CYTH3: variants seen among roughly 807,000 people sequenced by gnomAD.
CYTH3 encodes cytohesin-3.
A neutral mutation model predicts 55.1 loss-of-function variants in CYTH3; 23 were observed. That is an observed-to-expected ratio of 0.42 (90% CI 0.30 to 0.59). CYTH3 has a LOEUF of 0.59. Ranked by LOEUF, CYTH3 falls within the 20% of genes least tolerant of loss-of-function variation. The probability of loss-of-function intolerance (pLI) is 0.20; values close to 1 mark genes in which losing one functional copy is unlikely to be tolerated. For missense variants in CYTH3, 413 were observed against 524.8 expected (o/e 0.79, Z 2.08); for synonymous variants, 249 against 194.9 (o/e 1.28, Z -2.31).
At chr7:6,231,026 C>G (rs958483232) in intron 1 of CYTH3, among the ~76,000 whole-genome samples, 1 of 152,186 alleles carries the variant, frequency 6.6e-6, no homozygotes, top group Non-Finnish European at 1.5e-5. Flanking sequence ...CACAGTCACC[C>G]CAGCCACTCG....
chr7:6,268,374 T>C (rs544942948), intron 1 of CYTH3, among the ~76,000 whole-genome samples: 10 of 152,280 alleles, frequency 6.6e-5, no homozygotes, highest in Middle Eastern at 6.8e-3. Flanking sequence ...TTCACCATGC[T>C]GCCCAGGCTG....
chr7:6,231,417 A>C (rs904303671), intron 1 of CYTH3, among the ~76,000 whole-genome samples: 2 of 152,190 alleles, frequency 1.3e-5, no homozygotes, highest in Non-Finnish European at 2.9e-5. Context: ...CTCACAGCTC[A>C]GATGATGTCA....
At chr7:6,196,096 G>C (rs902427141) in intron 1 of CYTH3, among the ~76,000 whole-genome samples, 8 of 152,106 alleles carry the variant, frequency 5.3e-5, no homozygotes. Flanking sequence ...TGCTTCCTTA[G>C]TCCTATGTCT....
At chr7:6,270,187 A>G (rs1437162505) in intron 1 of CYTH3, among the ~76,000 whole-genome samples, 1 of 152,264 alleles carries the variant, frequency 6.6e-6, no homozygotes, top group East Asian at 1.9e-4. Context: ...GTAAGCACAT[A>G]AAGTTTATAC....
chr7:6,259,169 C>A (rs917686164), intron 1 of CYTH3, among the ~76,000 whole-genome samples: 1 of 152,144 alleles, frequency 6.6e-6, no homozygotes, highest in East Asian at 1.9e-4. Context: ...CTGCACATTG[C>A]CAAACATCTG....
intron 1 of CYTH3, among the ~76,000 whole-genome samples, chr7:6,268,355 A>G (rs1780561472): frequency 6.6e-6 from 1 of 152,118 alleles, no homozygotes; most frequent in Non-Finnish European, 1.5e-5. Context: ...TTTTTAGTAG[A>G]AACGGAGTTT....
At chr7:6,189,826 G>A (rs1390880822) in intron 2 of CYTH3, among the ~76,000 whole-genome samples, 2 of 152,072 alleles carry the variant, frequency 1.3e-5, no homozygotes, top group African/African-American at 2.4e-5. Flanking sequence ...CACGAGGTCA[G>A]GAGATCAAGA....
intron 3 of CYTH3, 149 bp downstream of exon 3, chr7:6,187,508 C>T (rs751542613): frequency 4.3e-5 from 31 of 723,030 alleles, no homozygotes; most frequent in Non-Finnish European, 7.2e-5. Flanking sequence ...GACCCCTCCA[C>T]GCAGAGTAGG....
rs1212146089 is a variant in CYTH3, at chr7:6,171,234, C to T, written c.530G>A (p.Cys177Tyr). The T allele has an allele frequency of 4.3e-6, 7 of 1,614,046 alleles. No homozygotes were observed. Among genetic ancestry groups the T allele is most frequent in the African/African-American group, 1.3e-5 (1 of 74,920 alleles). The change falls in exon 7 of 13, where the codon TGC becomes TAC. Residue 177 changes from cysteine (C) to tyrosine (Y), a missense_variant. By Grantham distance (194) the Cys-to-Tyr change is radical (BLOSUM62 -2). Around this residue, in one of 4 missense-constraint regions of CYTH3, gnomAD observed 156 missense variants for 233.1 expected, o/e 0.67. Transcript: ENST00000350796. The surrounding 1 kb of genome is among the most constrained non-coding windows in gnomAD (Gnocchi z 6.7). ...CTGGAAGACCCCGGGGTTGCACAGG[C>T]AGTAGCGAGAAGCGAAAGCCTCCAT... ...RMMEAFASRY[C>Y]LCNPGVFQST...
chr7:6,206,798 G>T (rs1038216152), intron 1 of CYTH3, among the ~76,000 whole-genome samples: 1 of 152,138 alleles, frequency 6.6e-6, no homozygotes, highest in African/African-American at 2.4e-5. Context: ...ACATGAGTCA[G>T]GTGGCCTCAC....
chr7:6,164,174 T>TC lies in CYTH3; in HGVS notation c.*769dup, dbSNP rs1782919271. Reference sequence around the variant, plus strand: ...CCATGGCCGTCCCTCCCCCAGCCCGTCCCGAGCCCACCTGCTGCCCCCCGG... The same window carrying TC: ...CCATGGCCGTCCCTCCCCCAGCCCGTCCCCGAGCCCACCTGCTGCCCCCCGG... On this transcript the variant is annotated 3_prime_UTR_variant, in exon 13 of 13. Transcript: ENST00000350796. 1 of 152,218 alleles carries TC rather than the reference T, an allele frequency of 6.6e-6. No individual in the cohort carries two copies. The highest frequency in any genetic ancestry group is 2.4e-5 in the African/African-American group (1 of 41,298). 9.4% of individuals were successfully genotyped at this position (152,218 alleles called of 1,614,324 possible). A position where few individuals can be genotyped will look rare whatever the true frequency, so the allele number is the denominator to read the frequency against.
intron 1 of CYTH3, among the ~76,000 whole-genome samples, chr7:6,200,020 T>C (rs945604253): frequency 1.3e-5 from 2 of 152,222 alleles, no homozygotes; most frequent in African/African-American, 2.4e-5. Flanking sequence ...ATTTACCATC[T>C]TTAATAAAAT....
intron 3 of CYTH3, 71 bp downstream of exon 3, chr7:6,187,586 C>A: frequency 7.2e-7 from 1 of 1,389,722 alleles, no homozygotes; most frequent in Non-Finnish European, 1.0e-6. Context: ...CCACTTTCTG[C>A]AAGTTTGACT....
intron 1 of CYTH3, among the ~76,000 whole-genome samples, chr7:6,237,983 T>C (rs946096231): frequency 2.6e-5 from 4 of 152,194 alleles, no homozygotes; most frequent in African/African-American, 9.7e-5. Context: ...TGTTACGCAA[T>C]GAGTATAGAG....
chr7:6,168,602 G>C (rs981941869), intron 9 of CYTH3, among the ~76,000 whole-genome samples: 6 of 152,160 alleles, frequency 3.9e-5, no homozygotes, highest in Admixed American at 2.6e-4. Context: ...ACCACACTGA[G>C]GCCACGCCAG....
Position 6,212,132 on chromosome 7 carries a change from C to G in CYTH3, c.35-21601G>C, listed in dbSNP as rs541889437. ...CTTCTACTCTCTATCTCCATGAGTT[C>G]AATTTCAACCATTTTTTTTGAAGCA... On this transcript the variant is annotated intron_variant, in intron 1 of 12. Transcript: ENST00000350796. 3.9e-5 allele frequency among the ~76,000 whole-genome samples: 6 copies of G among 152,270 alleles called. No homozygotes were observed. In the South Asian group the frequency reaches 6.2e-4, roughly 16 times the overall value.
intron 6 of CYTH3, chr7:6,172,946 G>A (rs1422194695): frequency 4.4e-6 from 5 of 1,145,364 alleles, no homozygotes; most frequent in Middle Eastern, 2.4e-4. Context: ...CCACGTAAAC[G>A]AGAACAAGGT....
At chr7:6,207,836 G>A (rs1784230089) in intron 1 of CYTH3, among the ~76,000 whole-genome samples, 1 of 151,740 alleles carries the variant, frequency 6.6e-6, no homozygotes, top group Non-Finnish European at 1.5e-5. Flanking sequence ...TGTAATCCCA[G>A]CTACTTGGGA....
At chr7:6,168,645 G>A (rs1453444588) in intron 9 of CYTH3, among the ~76,000 whole-genome samples, 1 of 152,210 alleles carries the variant, frequency 6.6e-6, no homozygotes, top group Non-Finnish European at 1.5e-5. Flanking sequence ...CCTGCGCTTG[G>A]CACCCGGCGC....
Sources: allele counts gnomAD v4.1 joint callset (sites outside exome capture counted in the v4.1 genomes callset), GRCh38; gene constraint gnomAD v4.1.1; regional missense constraint gnomAD v4.1.1; non-coding constraint Gnocchi (gnomAD v3.1); transcripts MANE v1.5; gene names NCBI Gene and HGNC (gene_info 2026-07-23, HGNC 2026-07-21).